The following RBFOX1 variants were observed in gnomAD, a reference collection of about 807,000 sequenced individuals.
RBFOX1 encodes the protein RNA binding fox-1 homolog 1.
A neutral mutation model predicts 57.7 loss-of-function variants in RBFOX1; 8 were observed. That is an observed-to-expected ratio of 0.14 (90% CI 0.08 to 0.25). The LOEUF (loss-of-function observed/expected upper bound fraction) is 0.25. Among genes scored for constraint, RBFOX1 ranks in the 10% least tolerant of loss-of-function variants. The pLI is 1.00. For synonymous variants in RBFOX1, 326 were observed against 222.4 expected, an observed-to-expected ratio of 1.47 and a Z score of -4.15; for missense variants, 611 against 548.5, an observed-to-expected ratio of 1.11 and a Z score of -1.14.
rs148824866 is a variant in RBFOX1 at position 5,962,172 on chromosome 16, A to G, written c.351+94837A>G. ...TTTCCAGAGATCTCACATCATACTT[A>G]CACTCATATATAGTTGGTCAAAACA... On this transcript the variant is annotated intron_variant, in intron 4 of 19. Coordinates refer to the RBFOX1 transcript ENST00000641259. Among the ~76,000 whole-genome samples, 1,285 of 152,316 alleles carry G rather than the reference A, an allele frequency of 8.4e-3. 19 individuals carry two copies. Among genetic ancestry groups the G allele is most frequent in the African/African-American group, 0.029 (1,191 of 41,572 alleles).
chr16:6,716,731 A>C (rs958648436), intron 3 of RBFOX1, among the ~76,000 whole-genome samples: 2 of 152,122 alleles, frequency 1.3e-5, no homozygotes, highest in Non-Finnish European at 2.9e-5. Context: ...CATGTAACCC[A>C]ATTCTATCCA....
chr16:6,602,698 A>T lies in RBFOX1; in HGVS notation c.-63-51905A>T, dbSNP rs117484686. Reference sequence around the variant, plus strand: ...CAGCTCATATGTTCATCTGTGAACTATGTCCAGGCTCAAGATGAGCTGGAA... The same window carrying T: ...CAGCTCATATGTTCATCTGTGAACTTTGTCCAGGCTCAAGATGAGCTGGAA... On this transcript the variant is annotated intron_variant, in intron 2 of 15. Coordinates refer to ENST00000550418, the MANE Select transcript of RBFOX1 (RefSeq NM_018723.4). Among the ~76,000 whole-genome samples, 343 of 152,302 alleles carry T rather than the reference A, an allele frequency of 2.3e-3. 1 individual carries two copies. The highest frequency in any genetic ancestry group is 3.7e-3 in the Non-Finnish European group (254 of 68,014).
At position 6,978,129 on chromosome 16, in the gene RBFOX1, C is replaced by G. The variant is rs1057262763; in HGVS notation, c.-15-73928C>G. Among the ~76,000 whole-genome samples, 7 of 149,902 alleles carry G rather than the reference C, an allele frequency of 4.7e-5. 1 individual carries two copies. Among genetic ancestry groups the G allele is most frequent in the Admixed American group, 6.7e-5 (1 of 14,920 alleles). ...TTGCAGGCTCCAGCCCTGAACACAA[C>G]AGCCGGGCATGATGCCCTGGGCCCC... On this transcript the variant is annotated intron_variant, in intron 3 of 15. Coordinates refer to ENST00000550418, the MANE Select transcript of RBFOX1 (RefSeq NM_018723.4).
rs117462539 is a variant in RBFOX1 at position 7,063,155 on chromosome 16, C to G, written c.27+11057C>G. On this transcript the variant is annotated intron_variant, in intron 4 of 15. Transcript: ENST00000550418. Reference sequence around the variant, plus strand: ...AGAAAGGAGCTCTTGGTTTAGGGCACACGCAGGGCTAGATGCTTACCTGAA... The same window carrying G: ...AGAAAGGAGCTCTTGGTTTAGGGCAGACGCAGGGCTAGATGCTTACCTGAA... Among the ~76,000 whole-genome samples, 1,282 of 152,080 alleles carry G rather than the reference C, an allele frequency of 8.4e-3. 13 individuals are homozygous for G. The highest frequency in any genetic ancestry group is 0.017 in the Middle Eastern group (5 of 294).
intron 1 of RBFOX1, among the ~76,000 whole-genome samples, chr16:6,249,478 C>T (rs8047897): frequency 0.12 from 18,002 of 152,054 alleles, 1,176 homozygotes; most frequent in Middle Eastern, 0.28. Flanking sequence ...GAGCCAAGAT[C>T]GTGCCACTGC....
intron 3 of RBFOX1, among the ~76,000 whole-genome samples, chr16:7,005,778 C>T (rs1406922715): frequency 1.3e-5 from 2 of 152,186 alleles, no homozygotes; most frequent in Admixed American, 1.3e-4. Flanking sequence ...TTGCCTAAAT[C>T]GCAAGATGAC....
At position 6,230,517 on chromosome 16, in the gene RBFOX1, C is replaced by A. The variant is rs971835139; in HGVS notation, c.-126-86478C>A. Among the ~76,000 whole-genome samples, 4 of 152,110 alleles carry A rather than the reference C, an allele frequency of 2.6e-5. No homozygotes were observed. In the East Asian group the frequency reaches 5.8e-4, roughly 22 times the overall value. ...AGTCAGTGTCTGCTGCATCAAACCG[C>A]CCCAAAGCCTAGAGGCTTAAAACCA... On this transcript the variant is annotated intron_variant, in intron 1 of 15. Transcript: ENST00000550418.
At chr16:7,694,253 A>G (rs764267279) in intron 14 of RBFOX1, among the ~76,000 whole-genome samples, 1 of 152,206 alleles carries the variant, frequency 6.6e-6, no homozygotes, top group Non-Finnish European at 1.5e-5. Context: ...TGAGCATCCC[A>G]TGACCTTCAG....
chr16:6,719,841 T>C (rs1030625332), intron 3 of RBFOX1, among the ~76,000 whole-genome samples: 2 of 152,008 alleles, frequency 1.3e-5, no homozygotes, highest in Non-Finnish European at 2.9e-5. Flanking sequence ...ACCTGTAATC[T>C]CAGCACTTTG....
intron 5 of RBFOX1, among the ~76,000 whole-genome samples, chr16:7,569,232 G>C (rs777787079): frequency 6.6e-6 from 1 of 152,144 alleles, no homozygotes; most frequent in Non-Finnish European, 1.5e-5. Flanking sequence ...CACAACACAA[G>C]TATATTAGGT....
At chr16:6,866,419 G>A (rs2059916298) in intron 3 of RBFOX1, among the ~76,000 whole-genome samples, 1 of 150,826 alleles carries the variant, frequency 6.6e-6, no homozygotes, top group African/African-American at 2.4e-5. Context: ...TCATCTCCAT[G>A]ACTTCTAGTG....
intron 4 of RBFOX1, among the ~76,000 whole-genome samples, chr16:7,471,678 T>C (rs1372114928): frequency 6.6e-6 from 1 of 152,322 alleles, no homozygotes; most frequent in African/African-American, 2.4e-5. Context: ...TCCAGAGATG[T>C]TGAACTCAAG....
intron 3 of RBFOX1, among the ~76,000 whole-genome samples, chr16:5,856,241 G>GTATATATATGTA (rs1260965494): frequency 7.5e-5 from 5 of 67,038 alleles, no homozygotes; most frequent in South Asian, 5.3e-4. Context: ...ATATATATGT[G>GTATATATATGTA]TATATATATG....
At chr16:5,894,148 C>G (rs1026760075) in intron 4 of RBFOX1, among the ~76,000 whole-genome samples, 32 of 152,164 alleles carry the variant, frequency 2.1e-4, no homozygotes, top group African/African-American at 6.8e-4. Context: ...AATTCGAACA[C>G]AATTCTGGAG....
intron 3 of RBFOX1, among the ~76,000 whole-genome samples, chr16:6,899,814 A>G (rs1408121174): frequency 6.6e-6 from 1 of 152,238 alleles, no homozygotes; most frequent in Non-Finnish European, 1.5e-5. Flanking sequence ...TCATTGCAAG[A>G]GGAAAGCAAA....
At chr16:6,231,697 T>C (rs750070083) in intron 1 of RBFOX1, among the ~76,000 whole-genome samples, 63 of 152,366 alleles carry the variant, frequency 4.1e-4, no homozygotes, top group Admixed American at 5.2e-4. Flanking sequence ...ATTAGGCATG[T>C]CTGCCCTGGA....
intron 4 of RBFOX1, among the ~76,000 whole-genome samples, chr16:7,400,580 C>A (rs2098224660): frequency 6.6e-6 from 1 of 152,156 alleles, no homozygotes; most frequent in African/African-American, 2.4e-5. Context: ...TTACCATCTC[C>A]CAGCAAGAAG....
intron 1 of RBFOX1, among the ~76,000 whole-genome samples, chr16:5,305,167 C>T (rs1162588920): frequency 6.6e-6 from 1 of 152,106 alleles, no homozygotes; most frequent in African/African-American, 2.4e-5. Flanking sequence ...TCAGATCAGC[C>T]TGGGACCAAG....
chr16:7,388,447 A>G (rs1039908069), intron 4 of RBFOX1, among the ~76,000 whole-genome samples: 4 of 152,164 alleles, frequency 2.6e-5, no homozygotes, highest in South Asian at 2.1e-4. Flanking sequence ...TTGGGATACA[A>G]CAAATATGGA....
Sources: gnomAD v4.1 joint callset for allele counts (sites outside exome capture counted in the v4.1 genomes callset) on GRCh38, gnomAD v4.1.1 for gene constraint, MANE v1.5 for transcripts, NCBI Gene and HGNC (gene_info 2026-07-23, HGNC 2026-07-21) for gene names.